DNASE1L2: variants seen among roughly 807,000 people sequenced by gnomAD.
DNASE1L2 encodes the protein deoxyribonuclease 1 like 2.
A neutral mutation model predicts 31.8 loss-of-function variants in DNASE1L2; 35 were observed. The observed-to-expected ratio is 1.10, with a 90% CI of 0.84 to 1.46. DNASE1L2 has a LOEUF of 1.46. Ranked by LOEUF, DNASE1L2 falls within the 40% of genes most tolerant of loss-of-function variation. The pLI, the probability that DNASE1L2 is intolerant of heterozygous loss-of-function variation, is 0.00. For missense variants in DNASE1L2, 504 were observed against 418.8 expected (o/e 1.20, Z -1.77); for synonymous variants, 211 against 186.5 (o/e 1.13, Z -1.07).
chr16:2,237,259 TG>T lies in DNASE1L2; in HGVS notation c.278del (p.Gly93AlafsTer60). The T allele has an allele frequency of 6.3e-7, 1 of 1,587,846 alleles. No individual in the cohort carries two copies. Among genetic ancestry groups the T allele is most frequent in the Non-Finnish European group, 8.6e-7 (1 of 1,168,236 alleles). On this transcript the variant is annotated frameshift_variant, in exon 4 of 7. Coordinates refer to ENST00000320700, the MANE Select transcript of DNASE1L2 (RefSeq NM_001374.3). LOFTEE classifies it high-confidence loss of function. Reference sequence around the variant, plus strand: ...TACAGCTTTGTGAGCAGCCAGCCCCTGGGCCGGGACCAGTACAAGGAGATGT... The same window carrying T: ...TACAGCTTTGTGAGCAGCCAGCCCCTGGCCGGGACCAGTACAAGGAGATGT... ...HEYSFVSSQP[L>X]GRDQYKEMYL...
intron 6 of DNASE1L2, 146 bp downstream of exon 6, chr16:2,238,164 GCCCAC>G: frequency 7.0e-7 from 1 of 1,426,216 alleles, no homozygotes; most frequent in Non-Finnish European, 9.3e-7. Flanking sequence ...GGAGAGCCCG[GCCCAC>G]CCCATGTGGA....
Position 2,238,441 on chromosome 16 carries a change from C to A in DNASE1L2, c.*23C>A. On this transcript the variant is annotated 3_prime_UTR_variant, in exon 7 of 7. Coordinates refer to ENST00000320700, the MANE Select transcript of DNASE1L2 (RefSeq NM_001374.3). Reference sequence around the variant, plus strand: ...TGACTCGAGGCCTGGCTGGGGCATGCCACCTGCAGACCCTGGCTCTGAGGA... The same window carrying A: ...TGACTCGAGGCCTGGCTGGGGCATGACACCTGCAGACCCTGGCTCTGAGGA... The A allele has an allele frequency of 6.2e-7, 1 of 1,613,040 alleles. No individual in the cohort carries two copies. The highest frequency in any genetic ancestry group is 1.3e-5 in the African/African-American group (1 of 75,054).
Position 2,237,958 on chromosome 16 carries a change from G to T in DNASE1L2, c.783G>T (p.Leu261=). Reference sequence around the variant, plus strand: ...GTGGCGCCCGCCTGCGCCGGAGCCTGAAGCCCCAGTCGGCCACCGTGCACG... The same window carrying T: ...GTGGCGCCCGCCTGCGCCGGAGCCTTAAGCCCCAGTCGGCCACCGTGCACG... ...VACGARLRRS[L]KPQSATVHDF... is the part of the protein sequence containing the mutation. The change falls in exon 6 of 7, where the codon CTG becomes CTT. Residue 261 remains leucine, a synonymous_variant. Transcript: ENST00000320700. 1 of 1,610,250 alleles carries T rather than the reference G, an allele frequency of 6.2e-7. No individual in the cohort carries two copies. The highest frequency in any genetic ancestry group is 1.3e-5 in the African/African-American group (1 of 74,968).
Position 2,238,016 on chromosome 16 carries a change from C to G in DNASE1L2, c.841C>G (p.Gln281Glu), listed in dbSNP as rs2093518122. 1 of 1,595,418 alleles carries G rather than the reference C, an allele frequency of 6.3e-7. No individual in the cohort carries two copies. Among genetic ancestry groups the G allele is most frequent in the African/African-American group, 1.3e-5 (1 of 74,486 alleles). The change falls in exon 6 of 7, where the codon CAG becomes GAG. Residue 281 changes from glutamine (Q) to glutamate (E), a missense_variant and splice_region_variant. Physicochemically the swap from Gln to Glu is conservative, Grantham distance 29. Transcript: ENST00000320700. The stretch of plus-strand genomic sequence containing the variant: ...GGAGGAATTCGGCCTGGACCAGACT[C>G]AGGCGAGTGGGCCGTGGGGCGGTGC... ...FQEEFGLDQT[Q>E]ALAISDHFPV...
Position 2,237,967 on chromosome 16 carries a change from G to T in DNASE1L2, c.792G>T (p.Gln264His). The change falls in exon 6 of 7, where the codon CAG (glutamine) becomes CAT (histidine). Residue 264 changes from glutamine (Q) to histidine (H), a missense_variant. Gln to His is a conservative substitution (Grantham distance 24). Transcript: ENST00000320700. ...GARLRRSLKP[Q>H]SATVHDFQEE... ...GCCTGCGCCGGAGCCTGAAGCCCCA[G>T]TCGGCCACCGTGCACGACTTCCAGG... The T allele has an allele frequency of 6.2e-7, 1 of 1,609,050 alleles. No individual in the cohort carries two copies. The highest frequency in any genetic ancestry group is 8.5e-7 in the Non-Finnish European group (1 of 1,178,704).
At position 2,238,497 on chromosome 16, in the gene DNASE1L2, A is replaced by T; in HGVS notation, c.*79A>T. 1.3e-6 allele frequency: 2 copies of T among 1,567,088 alleles called. No individual in the cohort carries two copies. The highest frequency in any genetic ancestry group is 8.8e-7 in the Non-Finnish European group (1 of 1,140,352). On this transcript the variant is annotated 3_prime_UTR_variant, in exon 7 of 7. Transcript: ENST00000320700. ...CCAACAGTGGCCCCTTCAGGGTGGC[A>T]GCCACCCTTCAGTGAGGCCCCAAGG...
chr16:2,237,422 G>C lies in DNASE1L2; in HGVS notation c.364G>C (p.Glu122Gln). ...VVDTYLYPDPEDVFSREPFVV... is the reference protein window; with the variant it reads ...VVDTYLYPDPQDVFSREPFVV... ...GGACACCTACCTGTACCCAGACCCC[G>C]AGGACGTCTTCAGCCGCGAGCCCTT... The change falls in exon 5 of 7, where the codon GAG (glutamate) becomes CAG (glutamine). Residue 122 changes from glutamate to glutamine, a missense_variant. Coordinates refer to ENST00000320700, the MANE Select transcript of DNASE1L2 (RefSeq NM_001374.3). 2 of 1,599,108 alleles carry C rather than the reference G, an allele frequency of 1.3e-6. No homozygotes were observed. The highest frequency in any genetic ancestry group is 1.7e-6 in the Non-Finnish European group (2 of 1,176,006).
chr16:2,237,229 A>G lies in DNASE1L2; in HGVS notation c.245A>G (p.His82Arg). 6.3e-7 allele frequency: 1 copy of G among 1,577,660 alleles called. No individual in the cohort carries two copies. Among genetic ancestry groups the G allele is most frequent in the Non-Finnish European group, 8.6e-7 (1 of 1,162,506 alleles). ...CCCTGTCTCCGCAGCGTGTCCGAGC[A>G]CGAGTACAGCTTTGTGAGCAGCCAG... ...LMEQINSVSE[H>R]EYSFVSSQPL... The change falls in exon 4 of 7, where the codon CAC becomes CGC. Residue 82 changes from histidine to arginine, a missense_variant. Coordinates refer to ENST00000320700, the MANE Select transcript of DNASE1L2 (RefSeq NM_001374.3).
Position 2,237,600 on chromosome 16 carries a change from A to ACG in DNASE1L2, c.546_547dup (p.Leu183ArgfsTer9). The stretch of plus-strand genomic sequence containing the variant: ...CCGCATCAAGCCGTGGCGGAGATCG[A>ACG]CGCGCTCTACGACGTGTACCTGGAC... On this transcript the variant is annotated frameshift_variant, in exon 5 of 7. Coordinates refer to ENST00000320700, the MANE Select transcript of DNASE1L2 (RefSeq NM_001374.3). LOFTEE classifies it high-confidence loss of function. 6.2e-7 allele frequency: 1 copy of ACG among 1,610,994 alleles called. No homozygotes were observed. The highest frequency in any genetic ancestry group is 1.7e-4 in the Middle Eastern group (1 of 6,058).
At chr16:2,238,150 C>A in intron 6 of DNASE1L2, 132 bp downstream of exon 6, 1 of 1,439,420 alleles carries the variant, frequency 6.9e-7, no homozygotes, top group Non-Finnish European at 9.2e-7. Flanking sequence ...TTTCCAAGGA[C>A]CCTGGAGAGC....
At position 2,236,975 on chromosome 16, in the gene DNASE1L2, G is replaced by C; in HGVS notation, c.144+15G>C. The C allele has an allele frequency of 6.5e-7, 1 of 1,548,922 alleles. No individual in the cohort carries two copies. The highest frequency in any genetic ancestry group is 1.2e-5 in the South Asian group (1 of 84,348). ...TCATCGCGAAGGTGGGGCCCGGGCC[G>C]GGGCGGGGCGGCGTTTAGGGGTGCT... is the stretch of plus-strand genomic sequence containing the variant. On this transcript the variant is annotated intron_variant, in intron 2 of 6. Transcript: ENST00000320700.
intron 1 of DNASE1L2, 85 bp from the exon 2 acceptor site, chr16:2,236,693 G>T: frequency 1.4e-6 from 2 of 1,426,734 alleles, no homozygotes; most frequent in Non-Finnish European, 1.8e-6. Context: ...AGAACGCAGG[G>T]GCGGATTCCG....
At chr16:2,237,697 G>A (rs754038870) in intron 5 of DNASE1L2, 48 bp downstream of exon 5, 5 of 1,590,810 alleles carry the variant, frequency 3.1e-6, no homozygotes, top group African/African-American at 1.3e-5. Context: ...CGCCCCGGGG[G>A]TCTGGTTCAT....
Position 2,237,023 on chromosome 16 carries a change from G to A in DNASE1L2, c.145-15G>A, listed in dbSNP as rs1444744876. 5 of 1,547,840 alleles carry A rather than the reference G, an allele frequency of 3.2e-6. No homozygotes were observed. The highest frequency in any genetic ancestry group is 4.4e-6 in the Non-Finnish European group (5 of 1,146,552). On this transcript the variant is annotated splice_polypyrimidine_tract_variant and intron_variant, in intron 2 of 6. Coordinates refer to ENST00000320700, the MANE Select transcript of DNASE1L2 (RefSeq NM_001374.3). ...GCTGACCGCGCTGACCCCCGCACCC[G>A]CCGCTCCTCCCCAGATCCTGGCTGG...
chr16:2,237,954 G>T lies in DNASE1L2; in HGVS notation c.779G>T (p.Ser260Ile). The T allele has an allele frequency of 6.2e-7, 1 of 1,610,422 alleles. No individual in the cohort carries two copies. Among genetic ancestry groups the T allele is most frequent in the Non-Finnish European group, 8.5e-7 (1 of 1,179,124 alleles). The change falls in exon 6 of 7, where the codon AGC (serine) becomes ATC (isoleucine). Residue 260 changes from serine to isoleucine, a missense_variant. By Grantham distance (142) the Ser-to-Ile change is moderately radical (BLOSUM62 -2). Coordinates refer to ENST00000320700, the MANE Select transcript of DNASE1L2 (RefSeq NM_001374.3). ...GCCTGTGGCGCCCGCCTGCGCCGGA[G>T]CCTGAAGCCCCAGTCGGCCACCGTG... ...IVACGARLRR[S>I]LKPQSATVHD...
At position 2,237,538 on chromosome 16, in the gene DNASE1L2, A is replaced by C. The variant is rs1319845832; in HGVS notation, c.480A>C (p.Ala160=). The C allele has an allele frequency of 7.4e-7, 1 of 1,356,446 alleles. No individual in the cohort carries two copies. The highest frequency in any genetic ancestry group is 2.0e-5 in the Admixed American group (1 of 49,834). 84.0% of individuals were successfully genotyped at this position (1,356,446 alleles called of 1,614,324 possible). A position where few individuals can be genotyped will look rare whatever the true frequency, so the allele number is the denominator to read the frequency against. The part of the protein sequence containing the change: ...RALTPPPLPA[A]AQNLVLIPLH... ...TGACGCCCCCACCCCTTCCCGCAGC[A>C]GCACAGAACCTGGTGCTGATCCCGC... The change falls in exon 5 of 7, where the codon GCA becomes GCC. Residue 160 remains alanine, a synonymous_variant. Transcript: ENST00000320700.
At chr16:2,236,623 CT>C in intron 1 of DNASE1L2, 63 bp downstream of exon 1, 2 of 1,351,068 alleles carry the variant, frequency 1.5e-6, no homozygotes, top group Non-Finnish European at 1.9e-6. Flanking sequence ...CCGGCTGCAG[CT>C]TCCCGCGCAG....
Position 2,237,481 on chromosome 16 carries a change from G to A in DNASE1L2, c.423G>A (p.Glu141=). 1 of 1,573,612 alleles carries A rather than the reference G, an allele frequency of 6.4e-7. No homozygotes were observed. Among genetic ancestry groups the A allele is most frequent in the Non-Finnish European group, 8.6e-7 (1 of 1,161,244 alleles). Residue 141 remains glutamate (E), a synonymous_variant, in exon 5 of 7, where the codon GAG becomes GAA. Coordinates refer to ENST00000320700, the MANE Select transcript of DNASE1L2 (RefSeq NM_001374.3). The stretch of plus-strand genomic sequence containing the variant: ...AGTTCTCGGCCCCCGGCACCGGTGA[G>A]CGGGCCCCGCCCCTCCCCTCCCGCC... ...VVKFSAPGTG[E]RAPPLPSRRA...
chr16:2,237,840 TGAG>T lies in DNASE1L2; in HGVS notation c.669_671del (p.Arg223del). The T allele has an allele frequency of 6.2e-7, 1 of 1,612,544 alleles. No individual in the cohort carries two copies. The highest frequency in any genetic ancestry group is 2.2e-5 in the East Asian group (1 of 44,866). ...GCGCAGGACTGGGCCGCCATCCGTCTGAGGAGCAGTGAGGTCTTCAAGTGGCTC... is the reference window on the plus strand; with the variant it reads ...GCGCAGGACTGGGCCGCCATCCGTCTGAGCAGTGAGGTCTTCAAGTGGCTC... On this transcript the variant is annotated inframe_deletion, in exon 6 of 7. Transcript: ENST00000320700.
Sources: allele counts gnomAD v4.1 joint callset, GRCh38; gene constraint gnomAD v4.1.1; transcripts MANE v1.5; gene names NCBI Gene and HGNC (gene_info 2026-07-23, HGNC 2026-07-21).